EYS: variants seen among roughly 807,000 people sequenced by gnomAD.
The protein encoded by EYS is protein eyes shut homolog.
Under a neutral mutation model 282.1 loss-of-function variants are expected in EYS, and 250 were observed. That is an observed-to-expected ratio of 0.89 (90% CI 0.80 to 0.98). The LOEUF is 0.98. EYS is among the 50% of genes least tolerant of loss of function. The probability of loss-of-function intolerance (pLI) is 0.00; values close to 1 mark genes in which losing one functional copy is unlikely to be tolerated. For missense variants in EYS, 4,016 were observed against 3,709.0 expected, an observed-to-expected ratio of 1.08 and a Z score of -2.15; for synonymous variants, 1,355 against 1,282.9, an observed-to-expected ratio of 1.06 and a Z score of -1.20.
intron 31 of EYS, among the ~76,000 whole-genome samples, chr6:64,184,586 C>T (rs573043203): frequency 4.0e-5 from 6 of 151,384 alleles, no homozygotes; most frequent in Non-Finnish European, 7.4e-5. Context: ...GAACTACTGG[C>T]ATCTTACACT....
chr6:65,331,425 G>T (rs4710517), intron 11 of EYS: 429,252 of 767,760 alleles, frequency 0.56, 123,703 homozygotes, highest in East Asian at 0.9. Context: ...ATAACAGGTG[G>T]TATCACACAT....
chr6:65,566,651 A>G (rs1021989698), intron 2 of EYS, among the ~76,000 whole-genome samples: 1 of 152,178 alleles, frequency 6.6e-6, no homozygotes, highest in Non-Finnish European at 1.5e-5. Flanking sequence ...CAAACAAACA[A>G]AAACCTCTAT....
At chr6:64,565,590 G>A (rs1765540822) in intron 26 of EYS, among the ~76,000 whole-genome samples, 1 of 152,084 alleles carries the variant, frequency 6.6e-6, no homozygotes, top group Non-Finnish European at 1.5e-5. Flanking sequence ...TAGAATGGTG[G>A]TTGCCACAAG....
At chr6:63,961,808 T>C (rs1489161948) in intron 35 of EYS, among the ~76,000 whole-genome samples, 5 of 152,182 alleles carry the variant, frequency 3.3e-5, no homozygotes, top group South Asian at 2.1e-4. Context: ...TTCCAACATA[T>C]AAATTTTGAT....
intron 8 of EYS, among the ~76,000 whole-genome samples, chr6:65,360,298 T>C (rs1764653169): frequency 6.6e-6 from 1 of 151,992 alleles, no homozygotes; most frequent in African/African-American, 2.4e-5. Context: ...AAATTAATGT[T>C]CAATTTCCAC....
intron 14 of EYS, among the ~76,000 whole-genome samples, chr6:64,983,856 G>T (rs138182092): frequency 6.6e-6 from 1 of 151,356 alleles, no homozygotes; most frequent in Admixed American, 6.6e-5. Flanking sequence ...TGAGTCTAAA[G>T]AAGACCAGTC....
chr6:64,850,380 A>C lies in EYS; in HGVS notation c.2993-27558T>G, dbSNP rs564442152. 5.1e-4 allele frequency among the ~76,000 whole-genome samples: 77 copies of C among 152,224 alleles called. 1 individual carries two copies. The highest frequency in any genetic ancestry group is 1.8e-3 in the African/African-American group (74 of 41,572). ...ATTTGTAGAAACTCCATTTCATGTA[A>C]GGCACTCAGTGCTGGGGATCAGTGA... is the stretch of plus-strand genomic sequence containing the variant. On this transcript the variant is annotated intron_variant, in intron 19 of 42. Transcript: ENST00000503581.
chr6:65,679,958 T>G (rs1029900135), intron 1 of EYS, among the ~76,000 whole-genome samples: 1 of 151,880 alleles, frequency 6.6e-6, no homozygotes, highest in African/African-American at 2.4e-5. Context: ...TGAATCAGAA[T>G]TATGGTGGAT....
At chr6:64,036,534 G>T (rs1307444116) in intron 33 of EYS, among the ~76,000 whole-genome samples, 3 of 152,314 alleles carry the variant, frequency 2.0e-5, no homozygotes, top group African/African-American at 7.2e-5. Context: ...GGATTAGAGA[G>T]GGTTAGTGTT....
At chr6:64,988,474 AAAAAGTT>A (rs1361001858) in intron 14 of EYS, among the ~76,000 whole-genome samples, 3 of 151,534 alleles carry the variant, frequency 2.0e-5, no homozygotes, top group Admixed American at 6.6e-5. Context: ...AAAAATCTAA[AAAAAGTT>A]AAAAGACGTA....
intron 30 of EYS, among the ~76,000 whole-genome samples, chr6:64,235,157 T>C (rs1766553191): frequency 6.6e-6 from 1 of 151,990 alleles, no homozygotes; most frequent in Non-Finnish European, 1.5e-5. Flanking sequence ...GTTACATATG[T>C]ATACATGTGC....
chr6:64,243,809 C>G lies in EYS; in HGVS notation c.6192-12985G>C, dbSNP rs978837195. Among the ~76,000 whole-genome samples, 5 of 152,106 alleles carry G rather than the reference C, an allele frequency of 3.3e-5. No individual in the cohort carries two copies. The East Asian group carries it at 9.6e-4, about 29-fold the overall frequency. ...TTTATTTTCATTATACATGATGTAA[C>G]TCAGGAATTTTAATGAGAGAAGTTT... On this transcript the variant is annotated intron_variant, in intron 30 of 42. Transcript: ENST00000503581.
At chr6:65,084,094 G>A (rs977038214) in intron 12 of EYS, among the ~76,000 whole-genome samples, 4 of 152,014 alleles carry the variant, frequency 2.6e-5, no homozygotes, top group Admixed American at 1.3e-4. Context: ...GAACCCAAAC[G>A]ACGTTCAAAT....
intron 22 of EYS, among the ~76,000 whole-genome samples, chr6:64,641,856 T>C (rs1455810549): frequency 6.6e-6 from 1 of 152,204 alleles, no homozygotes; most frequent in Non-Finnish European, 1.5e-5. Flanking sequence ...AATTATGTTG[T>C]GTACTCCTTA....
chr6:64,650,972 C>G (rs1768535571), intron 22 of EYS, among the ~76,000 whole-genome samples: 1 of 151,918 alleles, frequency 6.6e-6, no homozygotes, highest in South Asian at 2.1e-4. Context: ...AGAATAAATA[C>G]AACCTTATTG....
At chr6:64,857,943 T>C (rs1029613654) in intron 19 of EYS, among the ~76,000 whole-genome samples, 1 of 152,112 alleles carries the variant, frequency 6.6e-6, no homozygotes, top group Non-Finnish European at 1.5e-5. Context: ...ATTTTTAAAT[T>C]AGGTTGTTTT....
At position 63,805,192 on chromosome 6, in the gene EYS, A is replaced by C. The variant is rs570977379; in HGVS notation, c.7411+998T>G. 9.8e-4 allele frequency among the ~76,000 whole-genome samples: 149 copies of C among 152,250 alleles called. 1 individual carries two copies. Among genetic ancestry groups the C allele is most frequent in the Non-Finnish European group, 2.8e-4 (19 of 68,038 alleles). Reference sequence around the variant, plus strand: ...TCTCACAGATGAAAACACTGAACTCAGAGAAGTTAGGTGATTAATTGCTTA... The same window carrying C: ...TCTCACAGATGAAAACACTGAACTCCGAGAAGTTAGGTGATTAATTGCTTA... On this transcript the variant is annotated intron_variant, in intron 37 of 42. Transcript: ENST00000503581.
intron 22 of EYS, among the ~76,000 whole-genome samples, chr6:64,722,535 A>G (rs1001623555): frequency 2.0e-5 from 3 of 151,998 alleles, no homozygotes; most frequent in Admixed American, 1.3e-4. Flanking sequence ...AAAAACCAGA[A>G]ACTAACCCAT....
intron 22 of EYS, among the ~76,000 whole-genome samples, chr6:64,657,836 G>A (rs1164818902): frequency 1.3e-5 from 2 of 152,042 alleles, no homozygotes; most frequent in Non-Finnish European, 2.9e-5. Flanking sequence ...ATGTGTCTTG[G>A]AGTTGCTCTT....
Sources: allele counts gnomAD v4.1 joint callset (sites outside exome capture counted in the v4.1 genomes callset), GRCh38; gene constraint gnomAD v4.1.1; transcripts MANE v1.5; gene names NCBI Gene and HGNC (gene_info 2026-07-23, HGNC 2026-07-21).